Variants in CTNNA1 observed in about 807,000 individuals in gnomAD.
The protein encoded by CTNNA1 is catenin alpha-1.
A neutral mutation model predicts 98.4 loss-of-function variants in CTNNA1; 37 were observed. The observed-to-expected ratio is 0.38, with a 90% CI of 0.29 to 0.49. The LOEUF (loss-of-function observed/expected upper bound fraction) is 0.49. Among genes scored for constraint, CTNNA1 ranks in the 20% least tolerant of loss-of-function variants. The pLI, the probability that CTNNA1 is intolerant of heterozygous loss-of-function variation, is 0.95. For synonymous variants in CTNNA1, 404 were observed against 413.2 expected (o/e 0.98, Z 0.27); for missense variants, 761 against 1,147.2 (o/e 0.66, Z 4.86).
At chr5:138,813,178 A>T (rs1405952633) in intron 5 of CTNNA1, among the ~76,000 whole-genome samples, 2 of 152,192 alleles carry the variant, frequency 1.3e-5, no homozygotes, top group African/African-American at 2.4e-5. Flanking sequence ...AGTATCATCA[A>T]GGATCCAGGT....
chr5:138,803,700 A>T (rs78755912), intron 3 of CTNNA1, among the ~76,000 whole-genome samples: 58 of 152,212 alleles, frequency 3.8e-4, no homozygotes, highest in Non-Finnish European at 6.9e-4. Flanking sequence ...CTTCAAATCA[A>T]ATGGTATTTT....
At chr5:138,870,726 T>G (rs374954530) in intron 7 of CTNNA1, 1 of 152,366 alleles carries the variant, frequency 6.6e-6, no homozygotes, top group Non-Finnish European at 1.5e-5. Context: ...AGTTGTGTTG[T>G]GACCAAGCTG....
chr5:138,814,330 C>T (rs185478911), intron 5 of CTNNA1, among the ~76,000 whole-genome samples: 1 of 151,298 alleles, frequency 6.6e-6, no homozygotes, highest in Non-Finnish European at 1.5e-5. Flanking sequence ...CTCACCACAA[C>T]CTCCGCCTCC....
At chr5:138,876,085 T>TA (rs540349682) in intron 7 of CTNNA1, among the ~76,000 whole-genome samples, 134 of 152,326 alleles carry the variant, frequency 8.8e-4, no homozygotes, top group African/African-American at 3.2e-3. Flanking sequence ...GGCAGGTTGA[T>TA]ACAGTCATTT....
chr5:138,831,128 T>C (rs1761239236), intron 7 of CTNNA1, among the ~76,000 whole-genome samples: 2 of 152,200 alleles, frequency 1.3e-5, no homozygotes, highest in South Asian at 4.1e-4. Context: ...GTTTCTTGGA[T>C]TCTCTCATGT....
At chr5:138,880,519 C>T (rs753780944) in intron 7 of CTNNA1, among the ~76,000 whole-genome samples, 1 of 152,216 alleles carries the variant, frequency 6.6e-6, no homozygotes, top group African/African-American at 2.4e-5. Flanking sequence ...TCTTCTTCTG[C>T]TAGTGGCTTC....
At chr5:138,844,443 G>GT (rs1762533273) in intron 7 of CTNNA1, among the ~76,000 whole-genome samples, 1 of 152,174 alleles carries the variant, frequency 6.6e-6, no homozygotes, top group African/African-American at 2.4e-5. Context: ...GTAATCAGGT[G>GT]TTTTTTGGTG....
chr5:138,923,486 A>G (rs1311238893), intron 11 of CTNNA1, among the ~76,000 whole-genome samples: 2 of 152,120 alleles, frequency 1.3e-5, no homozygotes, highest in African/African-American at 4.8e-5. Flanking sequence ...AAGAATTCTT[A>G]CTGTTTCCTG....
intron 11 of CTNNA1, among the ~76,000 whole-genome samples, chr5:138,922,822 G>A (rs1243461981): frequency 6.7e-6 from 1 of 149,638 alleles, no homozygotes; most frequent in African/African-American, 2.5e-5. Flanking sequence ...TATTACTTTG[G>A]TCAGCTTCCT....
intron 1 of CTNNA1, among the ~76,000 whole-genome samples, chr5:138,763,078 T>C (rs1469545515): frequency 1.4e-5 from 2 of 141,742 alleles, no homozygotes; most frequent in African/African-American, 2.6e-5. Context: ...ATCAACTCTC[T>C]TGAAAGTGTC....
chr5:138,856,542 G>A lies in CTNNA1; in HGVS notation c.1062+28824G>A, dbSNP rs142801759. 4.1e-3 allele frequency among the ~76,000 whole-genome samples: 617 copies of A among 152,166 alleles called. 3 individuals carry two copies. The highest frequency in any genetic ancestry group is 0.014 in the African/African-American group (584 of 41,512). Reference sequence around the variant, plus strand: ...TTCTTTGTAATAATGGGGTCTCGTCGTGTTGCCCAGGCTGGTCTCAAACTC... The same window carrying A: ...TTCTTTGTAATAATGGGGTCTCGTCATGTTGCCCAGGCTGGTCTCAAACTC... On this transcript the variant is annotated intron_variant, in intron 7 of 17. Coordinates refer to ENST00000302763, the MANE Select transcript of CTNNA1 (RefSeq NM_001903.5).
At chr5:138,760,513 C>T (rs544037128) in intron 1 of CTNNA1, among the ~76,000 whole-genome samples, 108 of 151,554 alleles carry the variant, frequency 7.1e-4, no homozygotes, top group Non-Finnish European at 1.2e-3. Flanking sequence ...TACAGGTGTG[C>T]GCCACTACCA....
At chr5:138,780,596 C>A (rs1170255714) in intron 1 of CTNNA1, among the ~76,000 whole-genome samples, 1 of 151,938 alleles carries the variant, frequency 6.6e-6, no homozygotes, top group Non-Finnish European at 1.5e-5. Context: ...CGGCTCACTG[C>A]AGCCTCTGCC....
chr5:138,850,106 T>G (rs1763059195), intron 7 of CTNNA1, among the ~76,000 whole-genome samples: 2 of 152,274 alleles, frequency 1.3e-5, no homozygotes, highest in African/African-American at 2.4e-5. Flanking sequence ...GACCTACACT[T>G]ATTTTGTTTT....
chr5:138,793,918 G>C (rs534573596), intron 3 of CTNNA1, among the ~76,000 whole-genome samples: 19 of 152,180 alleles, frequency 1.2e-4, no homozygotes, highest in East Asian at 3.9e-4. Context: ...GATGGGGAAG[G>C]GGGGGAAGTT....
intron 9 of CTNNA1, among the ~76,000 whole-genome samples, chr5:138,890,622 G>C (rs768046217): frequency 5.9e-5 from 9 of 152,086 alleles, no homozygotes; most frequent in Non-Finnish European, 1.2e-4. Flanking sequence ...TTGTCACATT[G>C]ATGTTTCACC....
chr5:138,886,568 T>C (rs1198861693), intron 8 of CTNNA1, among the ~76,000 whole-genome samples: 2 of 152,184 alleles, frequency 1.3e-5, no homozygotes, highest in African/African-American at 4.8e-5. Flanking sequence ...TAAAATGACT[T>C]GGAGACCTGT....
chr5:138,798,818 A>T (rs1757239886), intron 3 of CTNNA1, among the ~76,000 whole-genome samples: 1 of 152,170 alleles, frequency 6.6e-6, no homozygotes, highest in Non-Finnish European at 1.5e-5. Context: ...TAGTAGATGT[A>T]GTGTAGTTGA....
chr5:138,868,787 G>T (rs1765053273), intron 7 of CTNNA1: 1 of 151,866 alleles, frequency 6.6e-6, no homozygotes. Flanking sequence ...TTTTTCAGTG[G>T]ACACATTTGA....
Sources: gnomAD v4.1 joint callset for allele counts (sites outside exome capture counted in the v4.1 genomes callset) on GRCh38, gnomAD v4.1.1 for gene constraint, MANE v1.5 for transcripts, NCBI Gene and HGNC (gene_info 2026-07-23, HGNC 2026-07-21) for gene names.